Variants in COL5A2 observed in about 807,000 individuals in gnomAD.
The protein encoded by COL5A2 is collagen type V alpha 2 chain, also known as collagen alpha-2(V) chain.
In COL5A2, 23 loss-of-function variants were observed where a neutral mutation model predicts 208.2. That is an observed-to-expected ratio of 0.11 (90% confidence interval 0.08 to 0.16). The LOEUF (loss-of-function observed/expected upper bound fraction) is 0.16. Among genes scored for constraint, COL5A2 ranks in the 10% least tolerant of loss-of-function variants. The probability of loss-of-function intolerance (pLI) is 1.00; values close to 1 mark genes in which losing one functional copy is unlikely to be tolerated. For synonymous variants in COL5A2, 625 were observed against 628.5 expected (o/e 0.99, Z 0.08); for missense variants, 1,590 against 1,956.4 (o/e 0.81, Z 3.53).
At chr2:189,399,829 A>C in the COL5A2 span, among the ~76,000 whole-genome samples, 1 of 152,038 alleles carries the variant, frequency 6.6e-6, no homozygotes, top group Admixed American at 6.6e-5. Flanking sequence ...CCTCTGGAAT[A>C]GCTAAGACTA....
At chr2:189,354,833 G>A in the COL5A2 span, among the ~76,000 whole-genome samples, 1 of 152,136 alleles carries the variant, frequency 6.6e-6, no homozygotes, top group Non-Finnish European at 1.5e-5. Flanking sequence ...TTTTGAATTT[G>A]TTTGTTCTTG....
At chr2:189,386,409 T>C in the COL5A2 span, among the ~76,000 whole-genome samples, 1 of 151,990 alleles carries the variant, frequency 6.6e-6, no homozygotes, top group Non-Finnish European at 1.5e-5. Flanking sequence ...CCCTTCTTGA[T>C]ATTGGCATTG....
chr2:189,420,000 A>AGAG, the COL5A2 span, among the ~76,000 whole-genome samples: 2 of 135,390 alleles, frequency 1.5e-5, no homozygotes, highest in African/African-American at 5.5e-5. Flanking sequence ...AGGAGAGGAG[A>AGAG]GAGGAGGAGG....
chr2:189,054,105 C>T, intron 36 of COL5A2, 54 bp downstream of exon 36: 3 of 1,498,722 alleles, frequency 2.0e-6, no homozygotes, highest in Non-Finnish European at 2.8e-6. Flanking sequence ...ATGAAAGAGC[C>T]TGCTATTCAG....
chr2:189,259,276 G>A, the COL5A2 span, among the ~76,000 whole-genome samples: 1 of 152,192 alleles, frequency 6.6e-6, no homozygotes, highest in African/African-American at 2.4e-5. Context: ...ATGTGACTGA[G>A]TACTGTATGC....
At chr2:189,099,270 A>G (rs1330300388) in intron 4 of COL5A2, among the ~76,000 whole-genome samples, 2 of 152,144 alleles carry the variant, frequency 1.3e-5, no homozygotes, top group East Asian at 3.8e-4. Flanking sequence ...ATCTTCGTTA[A>G]AAAAACAAGC....
intron 1 of COL5A2, among the ~76,000 whole-genome samples, chr2:189,223,964 G>A (rs896601544): frequency 6.6e-6 from 1 of 151,966 alleles, no homozygotes; most frequent in Non-Finnish European, 1.5e-5. Flanking sequence ...TCAATAAAAA[G>A]TTCAGTTAAG....
At chr2:189,140,497 G>C (rs942267933) in intron 1 of COL5A2, among the ~76,000 whole-genome samples, 2 of 152,132 alleles carry the variant, frequency 1.3e-5, no homozygotes, top group African/African-American at 4.8e-5. Context: ...AGACACCACT[G>C]TGCTTCAACA....
rs781185515 is a variant in COL5A2 at position 189,049,372 on chromosome 2, C to T, written c.3122G>A (p.Gly1041Asp). ...PGPVGPPGSNGPVGEPGPEGP... is the reference protein window; with the variant it reads ...PGPVGPPGSNDPVGEPGPEGP... ...TTCTGGTCCAGGTTCCCCTACAGGA[C>T]CATTGGAGCCTGGGGGCCCCACAGG... Residue 1041 changes from glycine to aspartate, a missense_variant, in exon 44 of 54, where the codon GGT (glycine) becomes GAT (aspartate). Coordinates refer to ENST00000374866, the MANE Select transcript of COL5A2 (RefSeq NM_000393.5). 1.2e-6 allele frequency: 2 copies of T among 1,612,950 alleles called. No homozygotes were observed. The highest frequency in any genetic ancestry group is 2.2e-5 in the East Asian group (1 of 44,862).
At chr2:189,298,886 A>G in the COL5A2 span, among the ~76,000 whole-genome samples, 7 of 152,324 alleles carry the variant, frequency 4.6e-5, no homozygotes, top group Non-Finnish European at 7.4e-5. Context: ...CATAATACAG[A>G]AGGGTTAGTT....
chr2:189,399,993 A>T, the COL5A2 span, among the ~76,000 whole-genome samples: 1 of 152,102 alleles, frequency 6.6e-6, no homozygotes, highest in Admixed American at 6.5e-5. Flanking sequence ...GAGCCACCAC[A>T]CCTGCCCTTC....
chr2:189,041,749 C>A, intron 49 of COL5A2, 56 bp from the exon 50 acceptor site: 1 of 1,129,512 alleles, frequency 8.9e-7, no homozygotes. Context: ...TTTACAATGC[C>A]TTTCTCTAAT....
intron 32 of COL5A2, 60 bp downstream of exon 32, chr2:189,058,789 C>A: frequency 7.0e-7 from 1 of 1,436,364 alleles, no homozygotes; most frequent in Non-Finnish European, 9.7e-7. Context: ...TTTTAAAAGA[C>A]ACCTTTTAAA....
chr2:189,290,116 T>A, the COL5A2 span, among the ~76,000 whole-genome samples: 1 of 152,226 alleles, frequency 6.6e-6, no homozygotes, highest in African/African-American at 2.4e-5. Context: ...AGCATGGTAC[T>A]GGCATAAACA....
At chr2:189,299,674 C>T in the COL5A2 span, among the ~76,000 whole-genome samples, 1 of 152,100 alleles carries the variant, frequency 6.6e-6, no homozygotes, top group Non-Finnish European at 1.5e-5. Flanking sequence ...TGTTCCTGGG[C>T]TGATGTTTAA....
the COL5A2 span, among the ~76,000 whole-genome samples, chr2:189,435,930 A>G: frequency 1.5e-4 from 23 of 152,344 alleles, no homozygotes; most frequent in East Asian, 4.2e-3. Flanking sequence ...AACCAGCCCA[A>G]ATGTCCATCA....
chr2:189,135,615 AACACTATGCTTATATCT>A (rs1357088491), intron 1 of COL5A2, among the ~76,000 whole-genome samples: 1 of 152,106 alleles, frequency 6.6e-6, no homozygotes, highest in Non-Finnish European at 1.5e-5. Flanking sequence ...AGTAGTTGCA[AACACTATGCTTATATCT>A]ACACATTTAG....
the COL5A2 span, among the ~76,000 whole-genome samples, chr2:189,360,670 G>T: frequency 6.6e-6 from 1 of 152,012 alleles, no homozygotes. Flanking sequence ...GTGCAGGTTT[G>T]TTACATAGGT....
chr2:189,210,210 G>A (rs1434747932), intron 1 of COL5A2, among the ~76,000 whole-genome samples: 3 of 151,736 alleles, frequency 2.0e-5, no homozygotes, highest in Non-Finnish European at 4.4e-5. Flanking sequence ...CTTCTTTTTT[G>A]GAGGAAACAA....
Sources: allele counts gnomAD v4.1 joint callset (sites outside exome capture counted in the v4.1 genomes callset), GRCh38; gene constraint gnomAD v4.1.1; transcripts MANE v1.5; gene names NCBI Gene and HGNC (gene_info 2026-07-23, HGNC 2026-07-21).